WDFY1: variants seen among roughly 807,000 people sequenced by gnomAD.
WDFY1 encodes WD repeat and FYVE domain containing 1, also known as WD repeat and FYVE domain-containing protein 1.
A neutral mutation model predicts 56.4 loss-of-function variants in WDFY1; 32 were observed. The ratio of observed to expected loss-of-function variants is 0.57; its 90% CI spans 0.43 to 0.76. The LOEUF (loss-of-function observed/expected upper bound fraction) is 0.76. Ranked by LOEUF, WDFY1 falls within the 30% of genes least tolerant of loss-of-function variation. The pLI is 0.00. For synonymous variants in WDFY1, 192 were observed against 197.3 expected (o/e 0.97, Z 0.23); for missense variants, 480 against 545.7 (o/e 0.88, Z 1.20).
rs61587389 is a variant in WDFY1, at chr2:223,891,382, C to CAAAA, written c.831+2848_831+2851dup. 1.0e-4 allele frequency among the ~76,000 whole-genome samples: 6 copies of CAAAA among 60,112 alleles called. 2 individuals carry two copies. The highest frequency in any genetic ancestry group is 3.4e-4 in the African/African-American group (5 of 14,502). The allele number at this position is 60,112 out of a possible 152,430, so 39.4% of individuals were successfully genotyped here. The stretch of plus-strand genomic sequence containing the variant: ...TGAGTGACAGAGCTAGACTCCGTCT[C>CAAAA]AAAAAAAAAAAAAGCCCAAAAATCC... On this transcript the variant is annotated intron_variant, in intron 8 of 11. Coordinates refer to ENST00000233055, the MANE Select transcript of WDFY1 (RefSeq NM_020830.5).
intron 5 of WDFY1, among the ~76,000 whole-genome samples, chr2:223,899,732 G>A (rs1693471844): frequency 6.6e-6 from 1 of 151,916 alleles, no homozygotes; most frequent in African/African-American, 2.4e-5. Flanking sequence ...CTGGGTGACA[G>A]TGCAAGACTC....
intron 8 of WDFY1, among the ~76,000 whole-genome samples, chr2:223,885,161 G>A (rs1180654175): frequency 1.3e-5 from 2 of 151,540 alleles, no homozygotes; most frequent in Non-Finnish European, 2.9e-5. Flanking sequence ...CTAGCTAGTT[G>A]TCATATTCAA....
At chr2:223,884,306 A>C (rs1693133172) in intron 9 of WDFY1, among the ~76,000 whole-genome samples, 1 of 152,162 alleles carries the variant, frequency 6.6e-6, no homozygotes. Context: ...TAACTGTATG[A>C]CTTTATTCTA....
rs147945450 is a variant in WDFY1, at chr2:223,897,623, G to T, written c.598+1335C>A. Among the ~76,000 whole-genome samples the T allele has an allele frequency of 4.4e-3, 667 of 151,766 alleles. 1 individual carries two copies. The highest frequency in any genetic ancestry group is 0.015 in the African/African-American group (609 of 41,356). On this transcript the variant is annotated intron_variant, in intron 6 of 11. Coordinates refer to ENST00000233055, the MANE Select transcript of WDFY1 (RefSeq NM_020830.5). ...TCAAACTCCTGACCTCAAGTGATCT[G>T]CCCAACTCAGCCTCCCAAAGTGCTG...
chr2:223,936,555 G>C (rs978929649), intron 1 of WDFY1, among the ~76,000 whole-genome samples: 2 of 152,158 alleles, frequency 1.3e-5, no homozygotes, highest in South Asian at 4.1e-4. Flanking sequence ...ACAAACACTA[G>C]GGTAATTATG....
chr2:223,941,344 T>G (rs1192479981), intron 1 of WDFY1, among the ~76,000 whole-genome samples: 1 of 152,172 alleles, frequency 6.6e-6, no homozygotes, highest in African/African-American at 2.4e-5. Context: ...GTTGCTATTG[T>G]CACTGCCCAC....
At chr2:223,927,072 T>A (rs1693996814) in intron 1 of WDFY1, among the ~76,000 whole-genome samples, 1 of 152,226 alleles carries the variant, frequency 6.6e-6, no homozygotes, top group South Asian at 2.1e-4. Flanking sequence ...CATGTTGTCA[T>A]CCAGGCTTTG....
In WDFY1 at chr2:223,911,615, C is replaced by A. The variant is rs6724174; in HGVS notation, c.279+638G>T. ...ACACACACACACACACACACACACACAGAGTGACAGAGGCTCTCCACCATC... is the reference window on the plus strand; with the variant it reads ...ACACACACACACACACACACACACAAAGAGTGACAGAGGCTCTCCACCATC... On this transcript the variant is annotated intron_variant, in intron 3 of 11. Transcript: ENST00000233055. Among the ~76,000 whole-genome samples the A allele has an allele frequency of 9.0e-3, 1,159 of 128,170 alleles. 22 individuals carry two copies. The highest frequency in any genetic ancestry group is 0.031 in the African/African-American group (1,095 of 35,808). 84.1% of individuals were successfully genotyped at this position (128,170 alleles called of 152,430 possible).
intron 1 of WDFY1, among the ~76,000 whole-genome samples, chr2:223,942,736 C>T (rs1265784852): frequency 7.4e-6 from 1 of 136,000 alleles, no homozygotes; most frequent in Non-Finnish European, 1.6e-5. Flanking sequence ...GGGGTTTCAC[C>T]TTGTTAGCCA....
chr2:223,942,979 G>C (rs1249192905), intron 1 of WDFY1, among the ~76,000 whole-genome samples: 1 of 150,410 alleles, frequency 6.6e-6, no homozygotes, highest in Non-Finnish European at 1.5e-5. Flanking sequence ...TCAGGAGATC[G>C]AGACCATCCT....
intron 1 of WDFY1, among the ~76,000 whole-genome samples, chr2:223,929,440 G>A (rs190630174): frequency 0.012 from 1,812 of 151,928 alleles, 30 homozygotes; most frequent in African/African-American, 0.042. Context: ...TGCCCACCTC[G>A]ATCTCCCAAA....
At chr2:223,935,626 G>T (rs955200593) in intron 1 of WDFY1, among the ~76,000 whole-genome samples, 13 of 152,208 alleles carry the variant, frequency 8.5e-5, no homozygotes, top group Non-Finnish European at 1.6e-4. Context: ...AAATGGTTAA[G>T]TCTGTATCAT....
intron 1 of WDFY1, among the ~76,000 whole-genome samples, chr2:223,925,234 C>G (rs1344208084): frequency 1.5e-5 from 2 of 134,136 alleles, no homozygotes. Flanking sequence ...AAAAAAAAAG[C>G]ATAACACAGA....
At chr2:223,898,332 T>C (rs1360099487) in intron 6 of WDFY1, among the ~76,000 whole-genome samples, 1 of 152,188 alleles carries the variant, frequency 6.6e-6, no homozygotes, top group Non-Finnish European at 1.5e-5. Context: ...TAACAACAAT[T>C]CTTCCAAAAG....
intron 1 of WDFY1, among the ~76,000 whole-genome samples, chr2:223,923,767 A>T (rs1693930191): frequency 6.6e-6 from 1 of 152,002 alleles, no homozygotes; most frequent in African/African-American, 2.4e-5. Flanking sequence ...TCTCAAAAAA[A>T]AAAAATAAAT....
At chr2:223,930,474 C>T (rs563281354) in intron 1 of WDFY1, among the ~76,000 whole-genome samples, 1 of 152,346 alleles carries the variant, frequency 6.6e-6, no homozygotes, top group East Asian at 1.9e-4. Context: ...GGATTACAGG[C>T]ATGCGCCACC....
intron 1 of WDFY1, among the ~76,000 whole-genome samples, chr2:223,938,854 G>GTT: frequency 2.0e-5 from 1 of 50,312 alleles, no homozygotes; most frequent in Non-Finnish European, 4.3e-5. Context: ...AATGTAAGCA[G>GTT]TATTTTTTTT....
intron 5 of WDFY1, 92 bp from the exon 6 acceptor site, chr2:223,899,162 A>T: frequency 1.9e-6 from 2 of 1,028,444 alleles, no homozygotes; most frequent in Non-Finnish European, 3.0e-6. Flanking sequence ...TAGTTTTCAA[A>T]GTTAGAAAAC....
chr2:223,914,951 T>C (rs1380937944), intron 2 of WDFY1, among the ~76,000 whole-genome samples: 1 of 152,222 alleles, frequency 6.6e-6, no homozygotes, highest in African/African-American at 2.4e-5. Context: ...TTGATCACTC[T>C]GTCAAGTCAC....
Sources: gnomAD v4.1 joint callset for allele counts (sites outside exome capture counted in the v4.1 genomes callset) on GRCh38, gnomAD v4.1.1 for gene constraint, MANE v1.5 for transcripts, NCBI Gene and HGNC (gene_info 2026-07-23, HGNC 2026-07-21) for gene names.